OTOG: variants seen among roughly 807,000 people sequenced by gnomAD.
The protein encoded by OTOG is otogelin.
OTOG carries 296 observed loss-of-function variants against 313.8 expected under a neutral mutation model. The observed-to-expected ratio is 0.94, with a 90% CI of 0.86 to 1.04. The LOEUF (loss-of-function observed/expected upper bound fraction) is 1.04, where lower values mean the gene tolerates loss of function less well. Ranked by LOEUF, OTOG falls within the 50% of genes least tolerant of loss-of-function variation. The pLI is 0.00. For synonymous variants in OTOG, 1,533 were observed against 1,554.9 expected, an observed-to-expected ratio of 0.99 and a Z score of 0.33; for missense variants, 3,948 against 3,840.1, an observed-to-expected ratio of 1.03 and a Z score of -0.74.
chr11:17,602,085 C>T, intron 31 of OTOG, 125 bp from the exon 32 acceptor site: 1 of 1,047,758 alleles, frequency 9.5e-7, no homozygotes, highest in Non-Finnish European at 1.4e-6. Flanking sequence ...GGATGAAGGA[C>T]ACCATCAAGA....
At chr11:17,626,389 T>G (rs913117437) in intron 39 of OTOG, among the ~76,000 whole-genome samples, 17 of 152,200 alleles carry the variant, frequency 1.1e-4, no homozygotes, top group African/African-American at 3.9e-4. Context: ...TTGGCCAGGC[T>G]GGTCTCAAAC....
Position 17,630,299 on chromosome 11 carries a change from A to G in OTOG, c.6712+983A>G, listed in dbSNP as rs369340701. On this transcript the variant is annotated intron_variant, in intron 40 of 55. Transcript: ENST00000399397. ...CCATCACTACCACCATCTTTTTCTC[A>G]TCATTTCTTCCTTCTCCTCTGTTCA... Among the ~76,000 whole-genome samples, 49 of 152,134 alleles carry G rather than the reference A, an allele frequency of 3.2e-4. No homozygotes were observed. In the South Asian group the frequency reaches 8.1e-3, roughly 25 times the overall value.
chr11:17,559,746 C>G (rs1852138360), intron 12 of OTOG, 84 bp downstream of exon 12: 2 of 859,848 alleles, frequency 2.3e-6, no homozygotes, highest in Non-Finnish European at 3.3e-6. Context: ...CAGAAGATAC[C>G]TGTTTGTGGA....
rs1251881779 is a variant in OTOG, at chr11:17,575,038, G to C, written c.2486+126G>C. 27 of 962,840 alleles carry C rather than the reference G, an allele frequency of 2.8e-5. No individual in the cohort carries two copies. In the Admixed American group the frequency reaches 8.0e-4, roughly 29 times the overall value. 59.6% of individuals were successfully genotyped at this position (962,840 alleles called of 1,614,324 possible). On this transcript the variant is annotated intron_variant, in intron 20 of 55. Coordinates refer to ENST00000399397, the MANE Select transcript of OTOG (RefSeq NM_001292063.2). ...TCCTTCCCCTCACAGTTGCAGGCCAGACCTTGGTGGGTAAGGTGGGTGGGC... is the reference window on the plus strand; with the variant it reads ...TCCTTCCCCTCACAGTTGCAGGCCACACCTTGGTGGGTAAGGTGGGTGGGC...
In OTOG at chr11:17,611,328, C is replaced by G; in HGVS notation, c.6028C>G (p.Pro2010Ala). The G allele has an allele frequency of 6.4e-7, 1 of 1,550,548 alleles. No individual in the cohort carries two copies. The highest frequency in any genetic ancestry group is 2.0e-5 in the Admixed American group (1 of 51,010). Residue 2010 changes from proline to alanine, a missense_variant, in exon 36 of 56, where the codon CCA becomes GCA. Coordinates refer to ENST00000399397, the MANE Select transcript of OTOG (RefSeq NM_001292063.2). ...GCCGGTGGACGAGGCCACCACAGAA[C>G]CATCTGGGCGCTCAGCCCCAGCCCT... ...AEPVDEATTE[P>A]SGRSAPALSI...
intron 23 of OTOG, among the ~76,000 whole-genome samples, chr11:17,583,567 A>T (rs947282051): frequency 6.6e-6 from 1 of 152,126 alleles, no homozygotes; most frequent in Non-Finnish European, 1.5e-5. Flanking sequence ...CCTATTTTTT[A>T]AAAAACACTT....
At chr11:17,583,745 A>G (rs1228924448) in intron 23 of OTOG, among the ~76,000 whole-genome samples, 2 of 152,270 alleles carry the variant, frequency 1.3e-5, no homozygotes, top group East Asian at 3.9e-4. Context: ...TGAAATCAGG[A>G]AGTGAGAGTT....
In OTOG at chr11:17,613,566, C is replaced by T. The variant is rs146984141; in HGVS notation, c.6439-46C>T. ...CTGTGCCCACTCACTTGGAGGGGGA[C>T]AGAGGACAGGGCTCCAAGTTGATGA... On this transcript the variant is annotated intron_variant, in intron 38 of 55. Transcript: ENST00000399397. 7,466 of 1,484,490 alleles carry T rather than the reference C, an allele frequency of 5.0e-3. 27 individuals are homozygous for T. Among genetic ancestry groups the T allele is most frequent in the Non-Finnish European group, 5.8e-3 (6,301 of 1,087,094 alleles). The allele number at this position is 1,484,490 out of a possible 1,614,324, so 92.0% of individuals were successfully genotyped here.
intron 47 of OTOG, among the ~76,000 whole-genome samples, chr11:17,635,929 TC>T (rs948777396): frequency 5.9e-5 from 9 of 152,100 alleles, no homozygotes; most frequent in Non-Finnish European, 1.0e-4. Context: ...GCCTGTCCCC[TC>T]CATGGAGGCC....
intron 46 of OTOG, 121 bp downstream of exon 46, chr11:17,635,308 GAGA>G (rs1236010035): frequency 5.2e-5 from 40 of 769,810 alleles, no homozygotes; most frequent in Non-Finnish European, 7.6e-5. Flanking sequence ...TGGGCAAAGG[GAGA>G]AGGACAAGCT....
chr11:17,604,413 C>T (rs1252880027), intron 32 of OTOG, among the ~76,000 whole-genome samples: 1 of 152,162 alleles, frequency 6.6e-6, no homozygotes, highest in Non-Finnish European at 1.5e-5. Flanking sequence ...GGACTCAGTG[C>T]CCTACCATGC....
At position 17,602,287 on chromosome 11, in the gene OTOG, G is replaced by T. The variant is rs915716581; in HGVS notation, c.3787G>T (p.Asp1263Tyr). 65 of 1,550,510 alleles carry T rather than the reference G, an allele frequency of 4.2e-5. No homozygotes were observed. The highest frequency in any genetic ancestry group is 5.4e-5 in the Non-Finnish European group (62 of 1,146,978). The change falls in exon 32 of 56, where the codon GAC becomes TAC. Residue 1263 changes from aspartate to tyrosine, a missense_variant. Physicochemically the swap from Asp to Tyr is radical, Grantham distance 160. Coordinates refer to ENST00000399397, the MANE Select transcript of OTOG (RefSeq NM_001292063.2). The part of the protein sequence containing the change: ...ALVGMKAVGD[D>Y]IVLVRTEDVA... ...GGTGGGCATGAAGGCGGTGGGCGAT[G>T]ACATAGTCCTAGTGAGGACAGAGGA...
chr11:17,558,654 G>T lies in OTOG; in HGVS notation c.1103+10G>T, dbSNP rs1248774022. 1.8e-5 allele frequency: 28 copies of T among 1,547,926 alleles called. No individual in the cohort carries two copies. The highest frequency in any genetic ancestry group is 8.7e-7 in the Non-Finnish European group (1 of 1,146,572). ...CCAGTGATCTCTGCCAGTGAGTAGG[G>T]GTGGTGTGGGCTATGGGGAACCCTC... is the stretch of plus-strand genomic sequence containing the variant. On this transcript the variant is annotated intron_variant, in intron 10 of 55. Coordinates refer to ENST00000399397, the MANE Select transcript of OTOG (RefSeq NM_001292063.2).
chr11:17,637,994 C>G (rs1241602108), intron 47 of OTOG, among the ~76,000 whole-genome samples: 2 of 152,142 alleles, frequency 1.3e-5, no homozygotes, highest in East Asian at 3.9e-4. Context: ...AAAAGTCAGC[C>G]TAAAGACTAG....
intron 7 of OTOG, 84 bp from the exon 8 acceptor site, chr11:17,557,034 T>TAGGG: frequency 7.5e-7 from 1 of 1,329,310 alleles, no homozygotes; most frequent in Non-Finnish European, 1.0e-6. Flanking sequence ...GATCATGGGG[T>TAGGG]AGGGACTGGC....
chr11:17,569,069 G>C (rs1274306505), intron 15 of OTOG, 87 bp from the exon 16 acceptor site: 2 of 1,445,548 alleles, frequency 1.4e-6, no homozygotes, highest in Non-Finnish European at 1.9e-6. Context: ...CTCAAGCTGG[G>C]CTGGGGTCTC....
chr11:17,610,425 G>C lies in OTOG; in HGVS notation c.5125G>C (p.Val1709Leu). The change falls in exon 36 of 56, where the codon GTC becomes CTC. Residue 1709 changes from valine to leucine, a missense_variant. By Grantham distance (32) the Val-to-Leu change is conservative. Transcript: ENST00000399397. ...VAGTAAEQVP[V>L]SPLATRSLEI... ...TGGAACAGCAGCAGAACAGGTTCCT[G>C]TCAGTCCCCTTGCAACCAGGAGCTT... The C allele has an allele frequency of 6.4e-7, 1 of 1,550,564 alleles. No individual in the cohort carries two copies. The highest frequency in any genetic ancestry group is 1.2e-5 in the South Asian group (1 of 84,042).
In OTOG at chr11:17,553,375, C is replaced by A. The variant is rs570174696; in HGVS notation, c.396C>A (p.Ala132=). 4 of 1,463,838 alleles carry A rather than the reference C, an allele frequency of 2.7e-6. No individual in the cohort carries two copies. Among genetic ancestry groups the A allele is most frequent in the South Asian group, 1.4e-5 (1 of 69,496 alleles). 90.7% of individuals were successfully genotyped at this position (1,463,838 alleles called of 1,614,324 possible). ...TGPRCQMVYN[A]GPERDSICRA... ...TTTTCTCTCCCTCAGTGTACAATGCCGGCCCTGAGAGGGACAGCATTTGCC... is the reference window on the plus strand; with the variant it reads ...TTTTCTCTCCCTCAGTGTACAATGCAGGCCCTGAGAGGGACAGCATTTGCC... Residue 132 remains alanine (A), a synonymous_variant, in exon 6 of 56, where the codon GCC becomes GCA. Transcript: ENST00000399397.
chr11:17,636,948 C>G (rs1254500694), intron 47 of OTOG, among the ~76,000 whole-genome samples: 1 of 152,076 alleles, frequency 6.6e-6, no homozygotes, highest in Non-Finnish European at 1.5e-5. Context: ...TGTGAAGGAC[C>G]AAATGGTCCT....
Sources: allele counts gnomAD v4.1 joint callset (sites outside exome capture counted in the v4.1 genomes callset), GRCh38; gene constraint gnomAD v4.1.1; transcripts MANE v1.5; gene names NCBI Gene and HGNC (gene_info 2026-07-23, HGNC 2026-07-21).